Variants in TULP4 observed in about 807,000 individuals in gnomAD.
The protein encoded by TULP4 is TUB like protein 4, also known as tubby-related protein 4.
TULP4 carries 16 observed loss-of-function variants against 129.0 expected under a neutral mutation model. That is an observed-to-expected ratio of 0.12 (90% CI 0.08 to 0.19). TULP4 has a LOEUF of 0.19. TULP4 is among the 10% of genes least tolerant of loss of function. The pLI is 1.00. For synonymous variants in TULP4, 998 were observed against 854.0 expected (o/e 1.17, Z -2.94); for missense variants, 1,842 against 2,059.1 (o/e 0.89, Z 2.04).
intron 1 of TULP4, among the ~76,000 whole-genome samples, chr6:158,239,632 T>A (rs867139825): frequency 3.2e-4 from 9 of 28,274 alleles, no homozygotes; most frequent in Non-Finnish European, 4.3e-4. Context: ...GCTGGCCGGG[T>A]GGGGGGCTGA....
At chr6:158,308,955 C>T (rs1306555821), upstream of TULP4, among the ~76,000 whole-genome samples, 9 of 138,884 alleles carry the variant, frequency 6.5e-5, no homozygotes, top group East Asian at 8.9e-4. Flanking sequence ...ACCTCCCTCC[C>T]GGACGGGGCG....
intron 5 of TULP4, among the ~76,000 whole-genome samples, chr6:158,460,422 T>C (rs565002215): frequency 1.3e-5 from 2 of 151,182 alleles, no homozygotes; most frequent in South Asian, 4.2e-4. Flanking sequence ...GATCTCTGTA[T>C]AAACCAGATT....
At chr6:158,239,061 C>T (rs1777789567) in intron 1 of TULP4, among the ~76,000 whole-genome samples, 1 of 86,476 alleles carries the variant, frequency 1.2e-5, no homozygotes, top group Admixed American at 1.0e-4. Flanking sequence ...GGGGGGCTGA[C>T]CCCCCCACCT....
intron 1 of TULP4, among the ~76,000 whole-genome samples, chr6:158,405,217 A>G (rs1777950788): frequency 6.6e-6 from 1 of 152,240 alleles, no homozygotes; most frequent in Admixed American, 6.5e-5. Flanking sequence ...GAAGTAAAAT[A>G]TGGTCATTGT....
intron 1 of TULP4, among the ~76,000 whole-genome samples, chr6:158,253,739 T>G (rs1431383898): frequency 6.6e-6 from 1 of 152,162 alleles, no homozygotes; most frequent in Non-Finnish European, 1.5e-5. Context: ...CCTTTCCATA[T>G]AGAAGACAGA....
chr6:158,279,528 C>T (rs1778710809), upstream of TULP4, among the ~76,000 whole-genome samples: 1 of 152,094 alleles, frequency 6.6e-6, no homozygotes, highest in Non-Finnish European at 1.5e-5. Context: ...TTTATGATAG[C>T]TATGTACATT....
intron 10 of TULP4, among the ~76,000 whole-genome samples, chr6:158,494,027 G>A (rs1414385812): frequency 1.3e-5 from 2 of 152,066 alleles, no homozygotes; most frequent in African/African-American, 4.8e-5. Context: ...CTCACCCTCC[G>A]GGTGCTGCAG....
chr6:158,390,207 T>C (rs551303110), intron 1 of TULP4, among the ~76,000 whole-genome samples: 3 of 152,322 alleles, frequency 2.0e-5, no homozygotes, highest in African/African-American at 7.2e-5. Context: ...GTATTCTCTA[T>C]GAACTATTTT....
At chr6:158,407,697 C>T (rs1345458004) in intron 1 of TULP4, among the ~76,000 whole-genome samples, 2 of 152,060 alleles carry the variant, frequency 1.3e-5, no homozygotes, top group East Asian at 3.8e-4. Flanking sequence ...ATGGATAAAC[C>T]CTGAAAACAT....
chr6:158,500,751 A>C (rs1780426714), intron 12 of TULP4, among the ~76,000 whole-genome samples: 2 of 152,244 alleles, frequency 1.3e-5, no homozygotes, highest in Non-Finnish European at 2.9e-5. Context: ...GCTCTACCTT[A>C]CATACTGTTT....
At chr6:158,443,704 T>A (rs1562568128) in intron 3 of TULP4, among the ~76,000 whole-genome samples, 1 of 152,148 alleles carries the variant, frequency 6.6e-6, no homozygotes, top group Non-Finnish European at 1.5e-5. Context: ...ATTACATGTT[T>A]AGCCTGAAGA....
chr6:158,240,617 C>T (rs1418774421), intron 1 of TULP4, among the ~76,000 whole-genome samples: 2 of 103,978 alleles, frequency 1.9e-5, no homozygotes, highest in East Asian at 3.8e-4. Flanking sequence ...CGCCCCTCAC[C>T]TCCCAGACGG....
intron 9 of TULP4, among the ~76,000 whole-genome samples, chr6:158,490,320 C>T (rs925944134): frequency 6.6e-6 from 1 of 152,128 alleles, no homozygotes; most frequent in Non-Finnish European, 1.5e-5. Flanking sequence ...CACTTGAATC[C>T]GGGAAGTGGA....
At chr6:158,298,632 A>G (rs926616829) in intron 1 of TULP4, among the ~76,000 whole-genome samples, 7 of 152,242 alleles carry the variant, frequency 4.6e-5, no homozygotes, top group Non-Finnish European at 7.3e-5. Flanking sequence ...GGGAGTTAAC[A>G]CAAGTGTATA....
intron 2 of TULP4, among the ~76,000 whole-genome samples, chr6:158,428,644 A>AG (rs1309820941): frequency 6.6e-6 from 1 of 151,652 alleles, no homozygotes; most frequent in African/African-American, 2.4e-5. Flanking sequence ...ATTCTGATTG[A>AG]GGGGGTATTG....
At chr6:158,272,572 C>G (rs1778570404) in intron 1 of TULP4, among the ~76,000 whole-genome samples, 1 of 152,198 alleles carries the variant, frequency 6.6e-6, no homozygotes, top group African/African-American at 2.4e-5. Context: ...TTACAATTAA[C>G]TCACTGAAAT....
intron 6 of TULP4, among the ~76,000 whole-genome samples, chr6:158,464,250 A>G (rs1398145089): frequency 6.6e-6 from 1 of 152,222 alleles, no homozygotes; most frequent in Non-Finnish European, 1.5e-5. Context: ...AGTTACAGAC[A>G]AAGACATACA....
chr6:158,330,207 A>G (rs1779846705), intron 1 of TULP4, among the ~76,000 whole-genome samples: 1 of 152,244 alleles, frequency 6.6e-6, no homozygotes, highest in Non-Finnish European at 1.5e-5. Flanking sequence ...GCAAGTGCCC[A>G]GTTGCCACAT....
At chr6:158,400,115 A>G (rs1583836240) in intron 1 of TULP4, among the ~76,000 whole-genome samples, 1 of 152,260 alleles carries the variant, frequency 6.6e-6, no homozygotes, top group Non-Finnish European at 1.5e-5. Flanking sequence ...CTGTGTGATC[A>G]GTTTATTGAG....
Sources: allele counts gnomAD v4.1 joint callset (sites outside exome capture counted in the v4.1 genomes callset), GRCh38; gene constraint gnomAD v4.1.1; transcripts MANE v1.5; gene names NCBI Gene and HGNC (gene_info 2026-07-23, HGNC 2026-07-21).